CNTN3: variants seen among roughly 807,000 people sequenced by gnomAD.
The protein encoded by CNTN3 is contactin 3.
In CNTN3, 60 loss-of-function variants were observed where a neutral mutation model predicts 119.1. That is an observed-to-expected ratio of 0.50 (90% CI 0.41 to 0.62). The LOEUF (loss-of-function observed/expected upper bound fraction) is 0.62, where lower values mean the gene tolerates loss of function less well. CNTN3 is among the 20% of genes least tolerant of loss of function. The probability of loss-of-function intolerance (pLI) is 0.00; values close to 1 mark genes in which losing one functional copy is unlikely to be tolerated. For synonymous variants in CNTN3, 450 were observed against 438.7 expected, an observed-to-expected ratio of 1.03 and a Z score of -0.32; for missense variants, 1,101 against 1,242.4, an observed-to-expected ratio of 0.89 and a Z score of 1.71.
chr3:74,534,969 G>A (rs1703744878), intron 1 of CNTN3, among the ~76,000 whole-genome samples: 1 of 151,966 alleles, frequency 6.6e-6, no homozygotes, highest in Non-Finnish European at 1.5e-5. Flanking sequence ...ATTACATGCT[G>A]AGCTGGTATT....
intron 4 of CNTN3, among the ~76,000 whole-genome samples, chr3:74,446,033 C>G (rs184100854): frequency 9.2e-5 from 14 of 152,282 alleles, no homozygotes; most frequent in African/African-American, 3.4e-4. Context: ...CTCCTGATCA[C>G]TAGTCGAACC....
rs555231473 is a variant in CNTN3 at position 74,350,830 on chromosome 3, A to T, written c.1364+11060T>A. On this transcript the variant is annotated intron_variant, in intron 11 of 22. Transcript: ENST00000263665. ...TAAATTAATGTAGAAACACAAAATA[A>T]AAAAAAAAGCACATTCTCCCTTATA... Among the ~76,000 whole-genome samples the T allele has an allele frequency of 2.3e-3, 316 of 137,246 alleles. 1 individual carries two copies. The highest frequency in any genetic ancestry group is 0.01 in the African/African-American group (294 of 28,676). 90.0% of individuals were successfully genotyped at this position (137,246 alleles called of 152,430 possible). A position where few individuals can be genotyped will look rare whatever the true frequency, so the allele number is the denominator to read the frequency against.
chr3:74,440,675 T>C (rs536775304), intron 4 of CNTN3, among the ~76,000 whole-genome samples: 3 of 152,248 alleles, frequency 2.0e-5, no homozygotes, highest in African/African-American at 7.2e-5. Flanking sequence ...TTTTTTACTT[T>C]AAGTACTGGG....
intron 1 of CNTN3, among the ~76,000 whole-genome samples, chr3:74,571,886 C>A (rs1447379432): frequency 6.6e-6 from 1 of 152,036 alleles, no homozygotes; most frequent in Non-Finnish European, 1.5e-5. Flanking sequence ...CTCTTTCTGG[C>A]CTTGCAGTCT....
chr3:74,503,092 G>C (rs1236209501), intron 2 of CNTN3, among the ~76,000 whole-genome samples: 1 of 152,028 alleles, frequency 6.6e-6, no homozygotes, highest in African/African-American at 2.4e-5. Flanking sequence ...CACGTGGTTT[G>C]GCCTCCCCAG....
At chr3:74,529,480 T>C (rs1408083209) in intron 1 of CNTN3, among the ~76,000 whole-genome samples, 2 of 117,080 alleles carry the variant, frequency 1.7e-5, no homozygotes, top group East Asian at 4.1e-4. Flanking sequence ...AGAATTAAAA[T>C]GTTTTTATAT....
intron 22 of CNTN3, 148 bp downstream of exon 22, chr3:74,266,333 G>C (rs1701659179): frequency 4.3e-6 from 3 of 702,862 alleles, no homozygotes; most frequent in Non-Finnish European, 7.0e-6. Context: ...GGTTCCTCTT[G>C]CCCACGTCTC....
intron 2 of CNTN3, among the ~76,000 whole-genome samples, chr3:74,500,128 A>G (rs1227260713): frequency 6.6e-6 from 1 of 152,028 alleles, no homozygotes; most frequent in Non-Finnish European, 1.5e-5. Context: ...CTTTTTGCCA[A>G]ACTAAAGCTG....
chr3:74,568,076 C>G (rs568471097), intron 1 of CNTN3, among the ~76,000 whole-genome samples: 93 of 152,218 alleles, frequency 6.1e-4, no homozygotes, highest in Admixed American at 2.2e-3. Context: ...TTTTAGAAGT[C>G]ATCAACAGCA....
At chr3:74,386,073 C>T (rs1704738395) in intron 5 of CNTN3, among the ~76,000 whole-genome samples, 1 of 152,000 alleles carries the variant, frequency 6.6e-6, no homozygotes, top group Non-Finnish European at 1.5e-5. Flanking sequence ...TGGAGGAAGC[C>T]CCACATAATA....
chr3:74,589,661 T>C (rs1704664202), intron 1 of CNTN3, among the ~76,000 whole-genome samples: 1 of 148,044 alleles, frequency 6.8e-6, no homozygotes. Flanking sequence ...TGCACACGTA[T>C]GTTTATTGCG....
At chr3:74,465,183 C>T (rs1407556477) in intron 4 of CNTN3, among the ~76,000 whole-genome samples, 1 of 152,168 alleles carries the variant, frequency 6.6e-6, no homozygotes, top group Non-Finnish European at 1.5e-5. Flanking sequence ...ATAAAAGTGG[C>T]TGGTACACAG....
chr3:74,397,508 TTCTC>T (rs71129743), intron 5 of CNTN3, among the ~76,000 whole-genome samples: 51,346 of 150,086 alleles, frequency 0.34, 8,969 homozygotes, highest in Non-Finnish European at 0.39. Flanking sequence ...CCAACTGGTG[TTCTC>T]TCTCTCTCTC....
intron 1 of CNTN3, among the ~76,000 whole-genome samples, chr3:74,582,183 G>A (rs948361871): frequency 6.6e-6 from 1 of 152,084 alleles, no homozygotes; most frequent in Non-Finnish European, 1.5e-5. Flanking sequence ...GAGGTGGATG[G>A]ATCACAAGGT....
At chr3:74,582,255 A>C (rs1704522108) in intron 1 of CNTN3, among the ~76,000 whole-genome samples, 1 of 152,144 alleles carries the variant, frequency 6.6e-6, no homozygotes. Flanking sequence ...AAATACAAAA[A>C]ATTAGCTGGG....
chr3:74,302,648 A>T, intron 14 of CNTN3, 42 bp downstream of exon 14: 1 of 1,163,498 alleles, frequency 8.6e-7, no homozygotes, highest in Non-Finnish European at 1.3e-6. Context: ...GAATGCTGTT[A>T]AGATGTGAAG....
At chr3:74,373,887 T>C (rs1314495097) in intron 5 of CNTN3, among the ~76,000 whole-genome samples, 2 of 152,072 alleles carry the variant, frequency 1.3e-5, no homozygotes, top group East Asian at 1.9e-4. Context: ...GAACATGAAG[T>C]GGATATGTAC....
At chr3:74,397,214 T>C (rs990911962) in intron 5 of CNTN3, among the ~76,000 whole-genome samples, 1 of 152,184 alleles carries the variant, frequency 6.6e-6, no homozygotes, top group African/African-American at 2.4e-5. Context: ...GAACAAAACA[T>C]GGGTGAGAGT....
intron 11 of CNTN3, among the ~76,000 whole-genome samples, chr3:74,337,453 G>C (rs1431846124): frequency 6.6e-6 from 1 of 152,052 alleles, no homozygotes; most frequent in Non-Finnish European, 1.5e-5. Flanking sequence ...ACCCAAGACT[G>C]GGTAATTTAT....
Sources: allele counts gnomAD v4.1 joint callset (sites outside exome capture counted in the v4.1 genomes callset), GRCh38; gene constraint gnomAD v4.1.1; transcripts MANE v1.5; gene names NCBI Gene and HGNC (gene_info 2026-07-23, HGNC 2026-07-21).